LARGE1: variants seen among roughly 807,000 people sequenced by gnomAD.
The protein encoded by LARGE1 is xylosyl- and glucuronyltransferase LARGE1.
Under a neutral mutation model 87.6 loss-of-function variants are expected in LARGE1, and 43 were observed. The observed-to-expected ratio is 0.49, with a 90% CI of 0.38 to 0.63. The LOEUF is 0.63. Ranked by LOEUF, LARGE1 falls within the 30% of genes least tolerant of loss-of-function variation. LARGE1 has a pLI of 0.00. For synonymous variants in LARGE1, 434 were observed against 394.6 expected (o/e 1.10, Z -1.18); for missense variants, 802 against 1,000.2 (o/e 0.80, Z 2.67).
intron 7 of LARGE1, among the ~76,000 whole-genome samples, chr22:33,395,572 G>A (rs1426471783): frequency 2.0e-5 from 3 of 152,200 alleles, no homozygotes; most frequent in Admixed American, 2.0e-4. Flanking sequence ...AGAAGGTTCT[G>A]CCACTATTCC....
rs1056315470 is a variant in LARGE1, at chr22:33,919,988, C to A, written c.-83+7G>T. 4 of 152,344 alleles carry A rather than the reference C, an allele frequency of 2.6e-5. No homozygotes were observed. Among genetic ancestry groups the A allele is most frequent in the Non-Finnish European group, 4.4e-5 (3 of 68,146 alleles). The allele number at this position is 152,344 out of a possible 1,614,324, so 9.4% of individuals were successfully genotyped here. A position where few individuals can be genotyped will look rare whatever the true frequency, so the allele number is the denominator to read the frequency against. ...CCGCGGCGACTCTCGCGCTCCGGGG[C>A]TCTTACCTTGGCCGTGACTGCCGCC... On this transcript the variant is annotated splice_region_variant and intron_variant, in intron 1 of 14. Coordinates refer to ENST00000397394, the MANE Select transcript of LARGE1 (RefSeq NM_133642.5).
At chr22:33,685,504 A>T (rs1392159358) in intron 2 of LARGE1, among the ~76,000 whole-genome samples, 1 of 152,244 alleles carries the variant, frequency 6.6e-6, no homozygotes. Flanking sequence ...GAATAATGGC[A>T]TCTGAATCAA....
At chr22:33,458,325 C>T (rs1388926469) in intron 6 of LARGE1, among the ~76,000 whole-genome samples, 1 of 152,066 alleles carries the variant, frequency 6.6e-6, no homozygotes, top group African/African-American at 2.4e-5. Flanking sequence ...AGGATGGTCT[C>T]GATCTCCTGA....
At chr22:33,094,463 G>A in the LARGE1 span, among the ~76,000 whole-genome samples, 1 of 152,178 alleles carries the variant, frequency 6.6e-6, no homozygotes, top group East Asian at 1.9e-4. Flanking sequence ...CTCACATCCA[G>A]CCCACCCTTA....
chr22:33,784,914 T>TGTGTATATACATATATGTATATACAC (rs2085553099), intron 1 of LARGE1, among the ~76,000 whole-genome samples: 1 of 151,216 alleles, frequency 6.6e-6, no homozygotes, highest in South Asian at 2.1e-4. Context: ...ATTATATGTG[T>TGTGTATATACATATATGTATATACAC]GTGTATATAC....
At chr22:33,090,471 G>A in the LARGE1 span, among the ~76,000 whole-genome samples, 12 of 152,126 alleles carry the variant, frequency 7.9e-5, no homozygotes, top group Non-Finnish European at 1.5e-4. Context: ...GGAGGAGGTC[G>A]CAAGATAACC....
chr22:33,806,914 G>A (rs1421466646), intron 1 of LARGE1, among the ~76,000 whole-genome samples: 2 of 152,172 alleles, frequency 1.3e-5, no homozygotes, highest in African/African-American at 2.4e-5. Context: ...GGAGGCTGAG[G>A]CAGGAGAATC....
intron 1 of LARGE1, among the ~76,000 whole-genome samples, chr22:33,783,198 A>G (rs2085481925): frequency 6.6e-6 from 1 of 151,964 alleles, no homozygotes; most frequent in Admixed American, 6.6e-5. Flanking sequence ...CTCTCATCAG[A>G]GTGATGAGAG....
At chr22:33,823,600 CCT>C (rs2062700183) in intron 1 of LARGE1, among the ~76,000 whole-genome samples, 1 of 152,170 alleles carries the variant, frequency 6.6e-6, no homozygotes, top group Non-Finnish European at 1.5e-5. Context: ...ATGATTTGTC[CCT>C]GTCCTTGCCC....
chr22:33,199,897 T>G (rs1025007294), intron 11 of LARGE1, among the ~76,000 whole-genome samples: 1 of 151,842 alleles, frequency 6.6e-6, no homozygotes, highest in African/African-American at 2.4e-5. Flanking sequence ...TCGCCCAGGC[T>G]GGAGGGCAGT....
intron 1 of LARGE1, among the ~76,000 whole-genome samples, chr22:33,795,469 T>C (rs1352932238): frequency 6.6e-6 from 1 of 151,942 alleles, no homozygotes; most frequent in Non-Finnish European, 1.5e-5. Flanking sequence ...ACACTAGACA[T>C]AGTGGTTAAG....
intron 3 of LARGE1, among the ~76,000 whole-genome samples, chr22:33,649,476 A>G (rs1041530428): frequency 2.6e-5 from 4 of 152,304 alleles, no homozygotes; most frequent in Non-Finnish European, 2.9e-5. Flanking sequence ...AAAATGTACT[A>G]TGTACTAGGC....
intron 6 of LARGE1, among the ~76,000 whole-genome samples, chr22:33,531,287 A>G (rs975772567): frequency 6.6e-6 from 1 of 152,048 alleles, no homozygotes; most frequent in African/African-American, 2.4e-5. Flanking sequence ...CCTCCCGAAT[A>G]GCTGGGATTA....
intron 5 of LARGE1, among the ~76,000 whole-genome samples, chr22:33,568,402 GGAA>G (rs2078091549): frequency 6.6e-6 from 1 of 152,150 alleles, no homozygotes; most frequent in Admixed American, 6.5e-5. Context: ...GGACCTAGAA[GGAA>G]AAACCTCACA....
chr22:33,580,267 G>A (rs1321543845), intron 5 of LARGE1, among the ~76,000 whole-genome samples: 1 of 152,070 alleles, frequency 6.6e-6, no homozygotes, highest in Non-Finnish European at 1.5e-5. Flanking sequence ...TTACTTGGGA[G>A]GCTGAGGCAG....
intron 14 of LARGE1, 103 bp downstream of exon 14, chr22:33,276,957 C>A: frequency 8.9e-7 from 1 of 1,119,974 alleles, no homozygotes; most frequent in Non-Finnish European, 1.4e-6. Flanking sequence ...ATATCTTGTT[C>A]CCTCTTAGCT....
Position 33,660,092 on chromosome 22 carries a change from T to TGTG in LARGE1, c.107-9425_107-9424insCAC, listed in dbSNP as rs1569350448. On this transcript the variant is annotated intron_variant, in intron 2 of 14. Transcript: ENST00000397394. ...TTGTTGTGTGTGTGTGTGTGTGTGTTTTTTTTTTTTTTTTTTGCCAAATAT... is the reference window on the plus strand; with the variant it reads ...TTGTTGTGTGTGTGTGTGTGTGTGTTGTGTTTTTTTTTTTTTTTTGCCAAATAT... 5.5e-3 allele frequency among the ~76,000 whole-genome samples: 251 copies of TGTG among 45,306 alleles called. 1 individual carries two copies. The highest frequency in any genetic ancestry group is 0.01 in the African/African-American group (241 of 23,132). The allele number at this position is 45,306 out of a possible 152,430, so 29.7% of individuals were successfully genotyped here. A position where few individuals can be genotyped will look rare whatever the true frequency, so the allele number is the denominator to read the frequency against.
chr22:33,276,779 T>C (rs896941869), intron 14 of LARGE1, among the ~76,000 whole-genome samples: 1 of 152,204 alleles, frequency 6.6e-6, no homozygotes, highest in Non-Finnish European at 1.5e-5. Context: ...CATTTGCTTG[T>C]CTTCATCATC....
At chr22:33,560,564 T>C (rs1202973651) in intron 6 of LARGE1, among the ~76,000 whole-genome samples, 1 of 152,192 alleles carries the variant, frequency 6.6e-6, no homozygotes, top group East Asian at 1.9e-4. Context: ...TATTTATGCC[T>C]TCACAACAGC....
Sources: gnomAD v4.1 joint callset for allele counts (sites outside exome capture counted in the v4.1 genomes callset) on GRCh38, gnomAD v4.1.1 for gene constraint, MANE v1.5 for transcripts, NCBI Gene and HGNC (gene_info 2026-07-23, HGNC 2026-07-21) for gene names.